The following RPS3 variants were observed in gnomAD, a reference collection of about 807,000 sequenced individuals.
RPS3 encodes small ribosomal subunit protein uS3.
RPS3 carries 2 observed loss-of-function variants against 25.8 expected under a neutral mutation model. That is an observed-to-expected ratio of 0.08 (90% CI 0.03 to 0.24). The LOEUF (loss-of-function observed/expected upper bound fraction) is 0.24, where lower values mean the gene tolerates loss of function less well. Ranked by LOEUF, RPS3 falls within the 10% of genes least tolerant of loss-of-function variation. The pLI is 1.00. For missense variants in RPS3, 107 were observed against 307.1 expected, an observed-to-expected ratio of 0.35 and a Z score of 4.87; for synonymous variants, 114 against 114.2, an observed-to-expected ratio of 1.00 and a Z score of 0.01.
intron 2 of RPS3, 41 bp from the exon 3 acceptor site, chr11:75,401,599 A>G: frequency 7.9e-7 from 1 of 1,271,930 alleles, no homozygotes; most frequent in Non-Finnish European, 1.2e-6. Flanking sequence ...AGTTACATCT[A>G]GCATTTGTGA....
At position 75,404,889 on chromosome 11, in the gene RPS3, G is replaced by A. The variant is rs747079232; in HGVS notation, c.*3+21G>A. 2.0e-6 allele frequency: 3 copies of A among 1,518,464 alleles called. No homozygotes were observed. 94.1% of individuals were successfully genotyped at this position (1,518,464 alleles called of 1,614,324 possible). ...AACAGGTATGTCTGCAAGGGCAGGG[G>A]CCTCTTGGGGCATAATAGGGTCCTT... On this transcript the variant is annotated intron_variant, in intron 6 of 6. Transcript: ENST00000531188. This position sits in a 1 kb window ranked among gnomAD's most constrained non-coding sequence, Gnocchi z 4.6.
At chr11:75,399,815 C>G (rs1485810697) in intron 1 of RPS3, 2 of 558,706 alleles carry the variant, frequency 3.6e-6, no homozygotes, top group African/African-American at 3.9e-5. Context: ...CCCCTTCTGT[C>G]CCGGAGAAGG....
downstream of RPS3, among the ~76,000 whole-genome samples, chr11:75,408,616 C>T (rs559505390): frequency 1.1e-4 from 16 of 152,094 alleles, no homozygotes; most frequent in Non-Finnish European, 1.9e-4. Context: ...CTTGCTCTGT[C>T]GCCCAGGCTG....
rs572731204 is a variant in RPS3 at position 75,413,544 on chromosome 11, C to T, written c.*4-8183C>T. 3.9e-5 allele frequency among the ~76,000 whole-genome samples: 6 copies of T among 152,358 alleles called. No homozygotes were observed. In the East Asian group the frequency reaches 1.2e-3, roughly 29 times the overall value. On this transcript the variant is annotated intron_variant, in intron 6 of 6. Coordinates refer to the RPS3 transcript ENST00000527446. Reference sequence around the variant, plus strand: ...GTGCTGGGATTACAGGCATGAGCCACCGCGCCCAGCCCTTCTTGTATATTC... The same window carrying T: ...GTGCTGGGATTACAGGCATGAGCCATCGCGCCCAGCCCTTCTTGTATATTC...
intron 6 of RPS3, among the ~76,000 whole-genome samples, chr11:75,420,268 C>T (rs1305716649): frequency 1.3e-5 from 2 of 152,200 alleles, no homozygotes; most frequent in East Asian, 3.9e-4. Context: ...CTTAGCACAC[C>T]TGGGGTGTCA....
At chr11:75,403,738 T>C in intron 4 of RPS3, 2 of 315,338 alleles carry the variant, frequency 6.3e-6, no homozygotes, top group Non-Finnish European at 5.8e-6. Context: ...GAGTAGGGCC[T>C]AGATGTCAGG....
chr11:75,405,265 C>T (rs559948277), intron 6 of RPS3: 4 of 192,916 alleles, frequency 2.1e-5, no homozygotes, highest in Non-Finnish European at 4.3e-5. Context: ...TTAGTAGAGA[C>T]GGGGTTTCAC....
Position 75,405,809 on chromosome 11 carries a change from C to T in RPS3, c.*199C>T, listed in dbSNP as rs1948279691. 1 of 293,084 alleles carries T rather than the reference C, an allele frequency of 3.4e-6. No homozygotes were observed. Among genetic ancestry groups the T allele is most frequent in the Non-Finnish European group, 6.8e-6 (1 of 147,012 alleles). 18.2% of individuals were successfully genotyped at this position (293,084 alleles called of 1,614,324 possible). On this transcript the variant is annotated 3_prime_UTR_variant, in exon 7 of 7. Coordinates refer to ENST00000531188, the MANE Select transcript of RPS3 (RefSeq NM_001005.5). The stretch of plus-strand genomic sequence containing the variant: ...TTTGCAAGGGCCAGAACAGTAAGAC[C>T]CAAGCAGAGCCAACCAGAGAAATAA...
rs1301527696 is a variant in RPS3, at chr11:75,402,380, G to A, written c.284G>A (p.Gly95Asp). Residue 95 changes from glycine to aspartate, a missense_variant, in exon 4 of 7, where the codon GGT becomes GAT. Coordinates refer to ENST00000531188, the MANE Select transcript of RPS3 (RefSeq NM_001005.5). ...ELYAEKVATR[G>D]LCAIAQAESL... ...TATGCTGAAAAGGTGGCCACTAGAGGTCTGTGTGCCATTGCCCAGGCAGAG... is the reference window on the plus strand; with the variant it reads ...TATGCTGAAAAGGTGGCCACTAGAGATCTGTGTGCCATTGCCCAGGCAGAG... 1 of 1,613,976 alleles carries A rather than the reference G, an allele frequency of 6.2e-7. No homozygotes were observed. The highest frequency in any genetic ancestry group is 1.7e-5 in the Admixed American group (1 of 60,034).
In RPS3 at chr11:75,406,366, CTGT is replaced by C. The variant is rs1188438465; in HGVS notation, c.*761_*763del. 4.6e-5 allele frequency: 7 copies of C among 152,190 alleles called. No homozygotes were observed. The highest frequency in any genetic ancestry group is 3.8e-4 in the East Asian group (2 of 5,200). 9.4% of individuals were successfully genotyped at this position (152,190 alleles called of 1,614,324 possible). A position where few individuals can be genotyped will look rare whatever the true frequency, so the allele number is the denominator to read the frequency against. On this transcript the variant is annotated 3_prime_UTR_variant, in exon 7 of 7. Transcript: ENST00000531188. ...ACAGGTTGGCTTGAAAATCATGAGA[CTGT>C]TGTTAAATCAGATGCTGGTTGATCA... is the stretch of plus-strand genomic sequence containing the variant.
chr11:75,404,277 A>C lies in RPS3; in HGVS notation c.538+70A>C, dbSNP rs554535806. The C allele has an allele frequency of 2.9e-6, 4 of 1,395,984 alleles. No individual in the cohort carries two copies. Among genetic ancestry groups the C allele is most frequent in the Non-Finnish European group, 4.0e-6 (4 of 996,688 alleles). The allele number at this position is 1,395,984 out of a possible 1,614,324, so 86.5% of individuals were successfully genotyped here. On this transcript the variant is annotated intron_variant, in intron 5 of 6. Transcript: ENST00000531188. This position sits in a 1 kb window ranked among gnomAD's most constrained non-coding sequence, Gnocchi z 4.6. ...TTGGTTTTCCACAGACATCTTAAGTATTTGGGGGAGTTTATCATGGAAGTA... is the reference window on the plus strand; with the variant it reads ...TTGGTTTTCCACAGACATCTTAAGTCTTTGGGGGAGTTTATCATGGAAGTA...
intron 6 of RPS3, among the ~76,000 whole-genome samples, chr11:75,417,866 G>T (rs1488075891): frequency 3.3e-5 from 5 of 152,252 alleles, no homozygotes; most frequent in Non-Finnish European, 7.3e-5. Context: ...CCTGTAAGGG[G>T]ATGCTGGGGT....
intron 6 of RPS3, among the ~76,000 whole-genome samples, chr11:75,418,440 A>G (rs1345557111): frequency 6.6e-6 from 1 of 152,206 alleles, no homozygotes; most frequent in East Asian, 1.9e-4. Context: ...AGATGGAAAA[A>G]AGTTATTTTA....
At chr11:75,414,097 G>A (rs1272094375) in intron 6 of RPS3, among the ~76,000 whole-genome samples, 1 of 152,186 alleles carries the variant, frequency 6.6e-6, no homozygotes, top group East Asian at 1.9e-4. Context: ...GGCCAAGCCT[G>A]GTGTCTGACC....
At chr11:75,411,594 G>T (rs1385781220), downstream of RPS3, among the ~76,000 whole-genome samples, 1 of 151,160 alleles carries the variant, frequency 6.6e-6, no homozygotes, top group Non-Finnish European at 1.5e-5. Context: ...GTTTCACCAT[G>T]TTAGCTAGGA....
At chr11:75,401,958 G>A in intron 3 of RPS3, 1 of 569,388 alleles carries the variant, frequency 1.8e-6, no homozygotes, top group Non-Finnish European at 3.1e-6. Flanking sequence ...GCATATGATG[G>A]ATTAACTGTC....
rs766629166 is a variant in RPS3 at position 75,400,580 on chromosome 11, T to C, written c.31-114T>C. On this transcript the variant is annotated intron_variant, in intron 1 of 6. Coordinates refer to ENST00000531188, the MANE Select transcript of RPS3 (RefSeq NM_001005.5). ...TGGAACAAGGGTTTGGAACCATTGG[T>C]TGGAGGTATTTAGTTTTGGTGAGGG... 3 of 1,447,632 alleles carry C rather than the reference T, an allele frequency of 2.1e-6. No individual in the cohort carries two copies. In the South Asian group the frequency reaches 3.4e-5, roughly 17 times the overall value. 89.7% of individuals were successfully genotyped at this position (1,447,632 alleles called of 1,614,324 possible). A position where few individuals can be genotyped will look rare whatever the true frequency, so the allele number is the denominator to read the frequency against.
intron 2 of RPS3, among the ~76,000 whole-genome samples, 196 bp from the exon 3 acceptor site, chr11:75,401,444 G>A (rs999030409): frequency 6.6e-6 from 1 of 152,106 alleles, no homozygotes; most frequent in Non-Finnish European, 1.5e-5. Flanking sequence ...GCTGCAGTGA[G>A]CCATTGGTGT....
chr11:75,411,355 T>C (rs1326280993), downstream of RPS3, among the ~76,000 whole-genome samples: 2 of 152,028 alleles, frequency 1.3e-5, no homozygotes, highest in African/African-American at 4.8e-5. Context: ...GACAGTATAA[T>C]GAAAAGTACT....
Sources: allele counts gnomAD v4.1 joint callset (sites outside exome capture counted in the v4.1 genomes callset), GRCh38; gene constraint gnomAD v4.1.1; non-coding constraint Gnocchi (gnomAD v3.1); transcripts MANE v1.5; gene names NCBI Gene and HGNC (gene_info 2026-07-23, HGNC 2026-07-21).